The following CBARP variants were observed in gnomAD, a reference collection of about 807,000 sequenced individuals.
CBARP encodes CACN subunit beta associated regulatory protein.
A neutral mutation model predicts 36.3 loss-of-function variants in CBARP; 24 were observed. That is an observed-to-expected ratio of 0.66 (90% confidence interval 0.48 to 0.93). The LOEUF (loss-of-function observed/expected upper bound fraction) is 0.93. Ranked by LOEUF, CBARP falls within the 40% of genes least tolerant of loss-of-function variation. CBARP has a pLI of 0.00. For synonymous variants in CBARP, 586 were observed against 453.2 expected (o/e 1.29, Z -3.72); for missense variants, 1,146 against 980.4 (o/e 1.17, Z -2.26).
Position 1,229,045 on chromosome 19 carries a change from C to T in CBARP, c.*134G>A, listed in dbSNP as rs1412227679. ...TGAAGCGGCGAGCGCGCCTCCGTCG[C>T]CCGGCGCGTGCGCGAAGGGCCCGCG... On this transcript the variant is annotated 3_prime_UTR_variant, in exon 10 of 10. Coordinates refer to ENST00000650044, the MANE Select transcript of CBARP (RefSeq NM_001393918.1). The surrounding 1 kb of genome is among the most constrained non-coding windows in gnomAD (Gnocchi z 5.1). 5.0e-6 allele frequency: 1 copy of T among 201,740 alleles called. No homozygotes were observed. The highest frequency in any genetic ancestry group is 8.6e-6 in the Non-Finnish European group (1 of 116,408). 12.5% of individuals were successfully genotyped at this position (201,740 alleles called of 1,614,324 possible). A position where few individuals can be genotyped will look rare whatever the true frequency, so the allele number is the denominator to read the frequency against.
At chr19:1,230,320 TGACCCTGA>T (rs1375381290) in intron 9 of CBARP, 178 bp from the exon 10 acceptor site, 64 of 988,508 alleles carry the variant, frequency 6.5e-5, no homozygotes, top group Non-Finnish European at 7.1e-5. Flanking sequence ...CGTCTTGCAT[TGACCCTGA>T]GCTGTGGCGC....
At chr19:1,232,594 C>G (rs1008272659) in intron 8 of CBARP, among the ~76,000 whole-genome samples, 5 of 152,216 alleles carry the variant, frequency 3.3e-5, no homozygotes, top group African/African-American at 1.2e-4. Flanking sequence ...ACTCCTGCCT[C>G]GAGCCCAGAT....
In CBARP at chr19:1,234,571, C is replaced by T. The variant is rs1394299216; in HGVS notation, c.627G>A (p.Gln209=). ...TSPKATLAIF[Q]PPGKALTGRS... ...CCGGGGCTGCTGCCCATAGGCTCAC[C>T]TGGAAGATGGCCAGAGTGGCCTTGG... Residue 209 remains glutamine, a splice_region_variant and synonymous_variant, in exon 6 of 10, where the codon CAG becomes CAA. Transcript: ENST00000650044. 6 of 1,601,828 alleles carry T rather than the reference C, an allele frequency of 3.7e-6. No individual in the cohort carries two copies. The highest frequency in any genetic ancestry group is 5.1e-6 in the Non-Finnish European group (6 of 1,175,352).
chr19:1,235,262 G>A (rs1304070212), intron 4 of CBARP, 117 bp from the exon 5 acceptor site: 19 of 1,210,438 alleles, frequency 1.6e-5, no homozygotes, highest in Non-Finnish European at 1.8e-5. Context: ...CGGCACGGGC[G>A]GCCGGGCTGG....
rs1234976776 is a variant in CBARP at position 1,229,653 on chromosome 19, C to T, written c.1644G>A (p.Ala548=). The T allele has an allele frequency of 6.0e-6, 7 of 1,166,650 alleles. No homozygotes were observed. The highest frequency in any genetic ancestry group is 1.5e-5 in the South Asian group (1 of 66,862). The allele number at this position is 1,166,650 out of a possible 1,614,324, so 72.3% of individuals were successfully genotyped here. A position where few individuals can be genotyped will look rare whatever the true frequency, so the allele number is the denominator to read the frequency against. The change falls in exon 10 of 10, where the codon GCG becomes GCA. Residue 548 remains alanine, a synonymous_variant. Coordinates refer to ENST00000650044, the MANE Select transcript of CBARP (RefSeq NM_001393918.1). This position sits in a 1 kb window ranked among gnomAD's most constrained non-coding sequence, Gnocchi z 5.1. ...RDYSIDEKTD[A]LFHEFLRHDP... ...CGTGGCGCAGGAACTCGTGGAACAG[C>T]GCGTCCGTCTTCTCGTCGATGCTGT... is the stretch of plus-strand genomic sequence containing the variant.
At chr19:1,232,158 A>C (rs2080902789) in intron 8 of CBARP, among the ~76,000 whole-genome samples, 1 of 152,070 alleles carries the variant, frequency 6.6e-6, no homozygotes, top group Non-Finnish European at 1.5e-5. Context: ...AGGCCCCAGC[A>C]AACAGGTTCT....
In CBARP at chr19:1,237,402, T is replaced by C. The variant is rs555184379; in HGVS notation, c.-22+354A>G. 4.9e-3 allele frequency among the ~76,000 whole-genome samples: 695 copies of C among 140,644 alleles called. 2 individuals carry two copies. Among genetic ancestry groups the C allele is most frequent in the Non-Finnish European group, 7.6e-3 (486 of 63,754 alleles). The allele number at this position is 140,644 out of a possible 152,430, so 92.3% of individuals were successfully genotyped here. Reference sequence around the variant, plus strand: ...AGGCCGAGGGGAAGAGGGGGGCTCCTGGGGGAGGCGGCTGCGGGAGCCGAG... The same window carrying C: ...AGGCCGAGGGGAAGAGGGGGGCTCCCGGGGGAGGCGGCTGCGGGAGCCGAG... On this transcript the variant is annotated intron_variant, in intron 1 of 9. Coordinates refer to ENST00000650044, the MANE Select transcript of CBARP (RefSeq NM_001393918.1).
In CBARP at chr19:1,234,221, C is replaced by G; in HGVS notation, c.738G>C (p.Ser246=). 1.3e-6 allele frequency: 2 copies of G among 1,519,918 alleles called. No individual in the cohort carries two copies. The highest frequency in any genetic ancestry group is 1.8e-6 in the Non-Finnish European group (2 of 1,137,202). 94.2% of individuals were successfully genotyped at this position (1,519,918 alleles called of 1,614,324 possible). ...TGCCTTCCCCAGAGTCGCTAGATGC[C>G]GAGGGGCTGATCTCTGCGAAGTCAG... is the stretch of plus-strand genomic sequence containing the variant. The part of the protein sequence containing the change: ...GATDFAEISP[S]ASSDSGEGTS... The change falls in exon 7 of 10, where the codon TCG becomes TCC. Residue 246 remains serine, a synonymous_variant. Transcript: ENST00000650044.
rs774741354 is a variant in CBARP at position 1,231,137 on chromosome 19, C to T, written c.1118G>A (p.Arg373His). 12 of 1,597,964 alleles carry T rather than the reference C, an allele frequency of 7.5e-6. No individual in the cohort carries two copies. The highest frequency in any genetic ancestry group is 1.7e-4 in the Middle Eastern group (1 of 6,024). Residue 373 changes from arginine to histidine, a missense_variant, in exon 9 of 10, where the codon CGC (arginine) becomes CAC (histidine). Transcript: ENST00000650044. ...AGDAVAFPHP[R>H]PFLASPPPAL... ...AGGGGGCGGGCTGGCCAGAAAGGGG[C>T]GGGGGTGCGGGAAGGCCACGGCGTC... is the stretch of plus-strand genomic sequence containing the variant.
rs778611032 is a variant in CBARP, at chr19:1,231,307, G to T, written c.980-32C>A. The T allele has an allele frequency of 4.4e-6, 7 of 1,587,638 alleles. No homozygotes were observed. The African/African-American group carries it at 5.4e-5, about 12-fold the overall frequency. ...ACGGGATGTGCCGTAAGCGTCAGCC[G>T]GCATGTGCCTCCACCCGCTCCACAC... On this transcript the variant is annotated intron_variant, in intron 8 of 9. Coordinates refer to ENST00000650044, the MANE Select transcript of CBARP (RefSeq NM_001393918.1).
In CBARP at chr19:1,230,854, T is replaced by C. The variant is rs747873410; in HGVS notation, c.1154+247A>G. On this transcript the variant is annotated intron_variant, in intron 9 of 9. Coordinates refer to ENST00000650044, the MANE Select transcript of CBARP (RefSeq NM_001393918.1). ...CCAGCAAGCAGCAGTACCAGCGCCA[T>C]CCTCGGGGGGCCCCTCCTCCCCACC... 5 of 1,495,224 alleles carry C rather than the reference T, an allele frequency of 3.3e-6. No homozygotes were observed. In the East Asian group the frequency reaches 1.2e-4, roughly 36 times the overall value. 92.6% of individuals were successfully genotyped at this position (1,495,224 alleles called of 1,614,324 possible).
chr19:1,236,047 A>G lies in CBARP; in HGVS notation c.54T>C (p.Thr18=), dbSNP rs1345597432. ...ATAATTTTTT[T]ATVALTTSWD... ...ACGACGTCGTCAGGGCTACTGTGGC[A>G]GTGGTGGTGGTGGTGGTGGTGGCGG... Residue 18 remains threonine, a synonymous_variant, in exon 2 of 10, where the codon ACT becomes ACC. Transcript: ENST00000650044. 15 of 1,492,314 alleles carry G rather than the reference A, an allele frequency of 1.0e-5. No individual in the cohort carries two copies. The highest frequency in any genetic ancestry group is 2.8e-5 in the African/African-American group (2 of 71,428). The allele number at this position is 1,492,314 out of a possible 1,614,324, so 92.4% of individuals were successfully genotyped here.
At position 1,235,120 on chromosome 19, in the gene CBARP, G is replaced by A. The variant is rs752393472; in HGVS notation, c.336C>T (p.Pro112=). 44 of 1,598,332 alleles carry A rather than the reference G, an allele frequency of 2.8e-5. No homozygotes were observed. Among genetic ancestry groups the A allele is most frequent in the East Asian group, 6.8e-5 (3 of 44,100 alleles). Residue 112 remains proline, a synonymous_variant, in exon 5 of 10, where the codon CCC becomes CCT. Transcript: ENST00000650044. ...AQDPDFRGED[P]ECQDAETERF... Reference sequence around the variant, plus strand: ...GTTCGGTCTCCGCATCCTGGCACTCGGGGTCCTCTCCCCGGAAGTCGGGGT... The same window carrying A: ...GTTCGGTCTCCGCATCCTGGCACTCAGGGTCCTCTCCCCGGAAGTCGGGGT...
chr19:1,234,895 A>G, intron 5 of CBARP, 106 bp downstream of exon 5: 1 of 1,506,648 alleles, frequency 6.6e-7, no homozygotes, highest in Non-Finnish European at 8.9e-7. Flanking sequence ...CCAGTCCAGG[A>G]GCCTCTGCCT....
At chr19:1,236,154 G>T in intron 1 of CBARP, 33 bp from the exon 2 acceptor site, 1 of 1,383,182 alleles carries the variant, frequency 7.2e-7, no homozygotes, top group South Asian at 1.7e-5. Flanking sequence ...GCTCCAGCTA[G>T]ACCTACTTCT....
intron 1 of CBARP, among the ~76,000 whole-genome samples, chr19:1,236,331 C>T (rs2080972936): frequency 6.6e-6 from 1 of 152,222 alleles, no homozygotes; most frequent in Non-Finnish European, 1.5e-5. Flanking sequence ...CTCCCATCCC[C>T]ATGGCGGGGG....
intron 3 of CBARP, 95 bp from the exon 4 acceptor site, chr19:1,235,660 CCCAGTCT>C (rs1180442763): frequency 1.9e-6 from 3 of 1,588,060 alleles, no homozygotes; most frequent in Non-Finnish European, 2.6e-6. Context: ...CTGCGCATCA[CCCAGTCT>C]CCAGAGGCAT....
At chr19:1,230,821 G>C (rs574917073) in intron 9 of CBARP, 7 of 1,469,508 alleles carry the variant, frequency 4.8e-6, no homozygotes, top group South Asian at 1.4e-5. Context: ...TTCAGGCCTC[G>C]GACTCCACCA....
Position 1,229,903 on chromosome 19 carries a change from C to T in CBARP, c.1394G>A (p.Ser465Asn), listed in dbSNP as rs1333574895. The change falls in exon 10 of 10, where the codon AGC (serine) becomes AAC (asparagine). Residue 465 changes from serine to asparagine, a missense_variant. Physicochemically the swap from Ser to Asn is conservative, Grantham distance 46. Transcript: ENST00000650044. This position sits in a 1 kb window ranked among gnomAD's most constrained non-coding sequence, Gnocchi z 5.1. ...SSGNDRDSVRSGDSSGSGSGG... is the reference protein window; with the variant it reads ...SSGNDRDSVRNGDSSGSGSGG... Reference sequence around the variant, plus strand: ...GGAGCCTGAGCCCGAGCTGTCGCCGCTGCGCACCGAGTCGCGGTCGTTGCC... The same window carrying T: ...GGAGCCTGAGCCCGAGCTGTCGCCGTTGCGCACCGAGTCGCGGTCGTTGCC... 9.0e-7 allele frequency: 1 copy of T among 1,107,700 alleles called. No homozygotes were observed. The highest frequency in any genetic ancestry group is 4.3e-5 in the Admixed American group (1 of 23,346). 68.6% of individuals were successfully genotyped at this position (1,107,700 alleles called of 1,614,324 possible). A position where few individuals can be genotyped will look rare whatever the true frequency, so the allele number is the denominator to read the frequency against.
Sources: gnomAD v4.1 joint callset for allele counts (sites outside exome capture counted in the v4.1 genomes callset) on GRCh38, gnomAD v4.1.1 for gene constraint, Gnocchi (gnomAD v3.1) non-coding constraint, MANE v1.5 for transcripts, NCBI Gene and HGNC (gene_info 2026-07-23, HGNC 2026-07-21) for gene names.